Variants in TMOD2 observed in about 807,000 individuals in gnomAD.
TMOD2 encodes the protein tropomodulin-2.
TMOD2 carries 22 observed loss-of-function variants against 39.9 expected under a neutral mutation model. The ratio of observed to expected loss-of-function variants is 0.55; its 90% confidence interval spans 0.39 to 0.79. TMOD2 has a LOEUF of 0.79. Ranked by LOEUF, TMOD2 falls within the 30% of genes least tolerant of loss-of-function variation. The pLI is 0.00. For synonymous variants in TMOD2, 123 were observed against 146.1 expected, an observed-to-expected ratio of 0.84 and a Z score of 1.14; for missense variants, 386 against 413.3, an observed-to-expected ratio of 0.93 and a Z score of 0.57.
chr15:51,797,359 C>A (rs761581420), intron 7 of TMOD2, among the ~76,000 whole-genome samples: 2 of 152,218 alleles, frequency 1.3e-5, no homozygotes, highest in African/African-American at 2.4e-5. Context: ...AGTGTACTCT[C>A]CATCTGCCCT....
chr15:51,806,444 T>C lies in TMOD2; in HGVS notation c.944T>C (p.Leu315Pro). ...ATGCTGGAGGAGAATTCAAGGATCC[T>C]CAAGTTTGGATACCAGTTTACCAAG... ...AQMLEENSRI[L>P]KFGYQFTKQG... The change falls in exon 9 of 10, where the codon CTC becomes CCC. Residue 315 changes from leucine to proline, a missense_variant. Transcript: ENST00000249700. The C allele has an allele frequency of 6.2e-7, 1 of 1,614,194 alleles. No homozygotes were observed. The highest frequency in any genetic ancestry group is 8.5e-7 in the Non-Finnish European group (1 of 1,180,034).
chr15:51,772,325 CAA>C (rs1279992192), intron 3 of TMOD2, among the ~76,000 whole-genome samples: 42 of 152,102 alleles, frequency 2.8e-4, no homozygotes, highest in Admixed American at 2.6e-3. Flanking sequence ...AAGAGAGAAA[CAA>C]AGAGTCAAAA....
chr15:51,801,237 T>TCCCA (rs1491214017), intron 8 of TMOD2, among the ~76,000 whole-genome samples: 10 of 102,138 alleles, frequency 9.8e-5, no homozygotes, highest in Admixed American at 3.4e-4. Flanking sequence ...TCTCTCTCTC[T>TCCCA]CACACACACA....
chr15:51,778,643 C>CT (rs34790068), intron 5 of TMOD2, among the ~76,000 whole-genome samples: 21,636 of 68,426 alleles, frequency 0.32, 6,463 homozygotes, highest in Non-Finnish European at 0.35. Flanking sequence ...AAAATTACAG[C>CT]TTTTTTTTTT....
chr15:51,798,452 T>A, intron 8 of TMOD2, 112 bp downstream of exon 8: 1 of 1,284,408 alleles, frequency 7.8e-7, no homozygotes, highest in Non-Finnish European at 1.1e-6. Context: ...CTCAATTTGA[T>A]GTACTGGATT....
At chr15:51,754,171 A>T (rs2141609410) in intron 1 of TMOD2, among the ~76,000 whole-genome samples, 1 of 152,248 alleles carries the variant, frequency 6.6e-6, no homozygotes, top group Non-Finnish European at 1.5e-5. Flanking sequence ...CTCCATACCT[A>T]AGAAATTCTA....
intron 1 of TMOD2, chr15:51,752,506 G>A (rs1263353032): frequency 6.6e-6 from 1 of 152,238 alleles, no homozygotes; most frequent in Non-Finnish European, 1.5e-5. Flanking sequence ...GAATCACGAG[G>A]CATTTAGGAC....
intron 1 of TMOD2, among the ~76,000 whole-genome samples, chr15:51,761,465 G>A (rs1003977745): frequency 4.6e-5 from 7 of 152,056 alleles, no homozygotes; most frequent in African/African-American, 1.7e-4. Context: ...TGTGGCTCAT[G>A]CCTGTAATTC....
At chr15:51,806,296 A>G in intron 8 of TMOD2, 81 bp from the exon 9 acceptor site, 1 of 1,527,992 alleles carries the variant, frequency 6.5e-7, no homozygotes, top group Non-Finnish European at 9.0e-7. Context: ...TCCAGCAAGT[A>G]GCCTTGTCTT....
chr15:51,800,985 A>G (rs970486571), intron 8 of TMOD2, among the ~76,000 whole-genome samples: 4 of 152,188 alleles, frequency 2.6e-5, no homozygotes, highest in Non-Finnish European at 5.9e-5. Flanking sequence ...GATTACAGAC[A>G]TGAGCCCCAC....
chr15:51,800,687 A>C (rs993671174), intron 8 of TMOD2, among the ~76,000 whole-genome samples: 57 of 151,862 alleles, frequency 3.8e-4, no homozygotes, highest in Admixed American at 2.4e-3. Context: ...GCTTCTCTTT[A>C]TTTCTTTTTT....
chr15:51,798,535 A>G (rs989039924), intron 8 of TMOD2, among the ~76,000 whole-genome samples, 195 bp downstream of exon 8: 1 of 152,244 alleles, frequency 6.6e-6, no homozygotes, highest in African/African-American at 2.4e-5. Flanking sequence ...CAAACAATGT[A>G]CAGTGGGGCA....
chr15:51,765,790 T>G (rs975916162), intron 1 of TMOD2, among the ~76,000 whole-genome samples: 9 of 152,196 alleles, frequency 5.9e-5, no homozygotes, highest in Non-Finnish European at 2.9e-5. Context: ...AGTGATCATG[T>G]GGCCAGGATT....
chr15:51,781,324 T>C, intron 6 of TMOD2, 150 bp downstream of exon 6: 1 of 643,370 alleles, frequency 1.6e-6, no homozygotes, highest in Non-Finnish European at 2.5e-6. Flanking sequence ...AGAAGTGGGT[T>C]TTGGAAAACA....
At chr15:51,779,803 C>A (rs1459210496) in intron 5 of TMOD2, among the ~76,000 whole-genome samples, 1 of 152,086 alleles carries the variant, frequency 6.6e-6, no homozygotes. Flanking sequence ...ACCTCAGTCC[C>A]CTGAGCAGCT....
rs1187587780 is a variant in TMOD2 at position 51,810,680 on chromosome 15, C to T, written c.*2226C>T. ...ACATTTCTCTTAGATGTCTTTTCTC[C>T]TCTTTGGATTTGTTACAAACCTGTT... On this transcript the variant is annotated 3_prime_UTR_variant, in exon 10 of 10. Coordinates refer to ENST00000249700, the MANE Select transcript of TMOD2 (RefSeq NM_014548.4). 6.6e-6 allele frequency: 1 copy of T among 151,662 alleles called. No homozygotes were observed. Among genetic ancestry groups the T allele is most frequent in the Non-Finnish European group, 1.5e-5 (1 of 67,952 alleles). The allele number at this position is 151,662 out of a possible 1,614,324, so 9.4% of individuals were successfully genotyped here. A position where few individuals can be genotyped will look rare whatever the true frequency, so the allele number is the denominator to read the frequency against.
chr15:51,804,554 C>CGTTTTGTTTT (rs1203836873), intron 8 of TMOD2, among the ~76,000 whole-genome samples: 2 of 150,412 alleles, frequency 1.3e-5, no homozygotes, highest in African/African-American at 4.9e-5. Context: ...CAAGCCTGTA[C>CGTTTTGTTTT]GTTTTGTTTT....
intron 7 of TMOD2, among the ~76,000 whole-genome samples, chr15:51,792,033 G>T (rs10444824): frequency 0.41 from 62,143 of 151,920 alleles, 12,893 homozygotes; most frequent in Middle Eastern, 0.45. Flanking sequence ...AACTGAAGAG[G>T]TTCTGCACAG....
At chr15:51,776,814 G>A in intron 4 of TMOD2, 118 bp from the exon 5 acceptor site, 1 of 795,662 alleles carries the variant, frequency 1.3e-6, no homozygotes, top group Non-Finnish European at 2.2e-6. Context: ...TGCAAGGAAA[G>A]AGGACTCAGG....
Sources: gnomAD v4.1 joint callset for allele counts (sites outside exome capture counted in the v4.1 genomes callset) on GRCh38, gnomAD v4.1.1 for gene constraint, MANE v1.5 for transcripts, NCBI Gene and HGNC (gene_info 2026-07-23, HGNC 2026-07-21) for gene names.